Variants in LRP1B observed in about 807,000 individuals in gnomAD.
LRP1B encodes LDL receptor related protein 1B, also known as low-density lipoprotein receptor-related protein 1B.
In LRP1B, 217 loss-of-function variants were observed where a neutral mutation model predicts 556.6. The observed-to-expected ratio is 0.39, with a 90% CI of 0.35 to 0.44. The LOEUF (loss-of-function observed/expected upper bound fraction) is 0.44. Among genes scored for constraint, LRP1B ranks in the 20% least tolerant of loss-of-function variants. LRP1B has a pLI of 1.00. For synonymous variants in LRP1B, 2,047 were observed against 1,865.8 expected (o/e 1.10, Z -2.50); for missense variants, 5,053 against 5,620.8 (o/e 0.90, Z 3.23).
chr2:141,401,416 T>A (rs960017604), intron 3 of LRP1B, among the ~76,000 whole-genome samples: 1 of 152,140 alleles, frequency 6.6e-6, no homozygotes, highest in African/African-American at 2.4e-5. Flanking sequence ...CATCACTAAC[T>A]GCCTCTCTTT....
At chr2:141,715,196 G>A (rs1479073911) in intron 2 of LRP1B, among the ~76,000 whole-genome samples, 1 of 152,090 alleles carries the variant, frequency 6.6e-6, no homozygotes, top group Non-Finnish European at 1.5e-5. Flanking sequence ...TGCCGGGCGT[G>A]GTGACTCATA....
chr2:140,776,080 T>C lies in LRP1B; in HGVS notation c.5500+18A>G, dbSNP rs941773738. On this transcript the variant is annotated intron_variant, in intron 33 of 90. Transcript: ENST00000389484. ...TTACGTATTCAAGACCTGGCACAAA[T>C]TCATTAGTGTGATTTACCTTGCTGT... is the stretch of plus-strand genomic sequence containing the variant. 1 of 1,536,602 alleles carries C rather than the reference T, an allele frequency of 6.5e-7. No individual in the cohort carries two copies. Among genetic ancestry groups the C allele is most frequent in the Non-Finnish European group, 8.7e-7 (1 of 1,143,874 alleles).
intron 3 of LRP1B, among the ~76,000 whole-genome samples, chr2:141,278,773 G>T (rs1189766272): frequency 1.3e-5 from 2 of 152,126 alleles, no homozygotes; most frequent in Non-Finnish European, 2.9e-5. Context: ...TGCCTAAACT[G>T]GTCTTCTGTT....
At chr2:141,671,784 C>T (rs895961300) in intron 2 of LRP1B, among the ~76,000 whole-genome samples, 1 of 151,498 alleles carries the variant, frequency 6.6e-6, no homozygotes, top group African/African-American at 2.4e-5. Context: ...TAAATGAATG[C>T]TATCAGCAAA....
At chr2:141,747,695 C>T (rs577009958) in intron 2 of LRP1B, among the ~76,000 whole-genome samples, 1 of 152,132 alleles carries the variant, frequency 6.6e-6, no homozygotes, top group Non-Finnish European at 1.5e-5. Flanking sequence ...ATTACAAGAC[C>T]TTGATAACAT....
intron 3 of LRP1B, among the ~76,000 whole-genome samples, chr2:141,407,621 C>A (rs1399729439): frequency 6.6e-6 from 1 of 152,124 alleles, no homozygotes. Flanking sequence ...CCACCACTCT[C>A]TCTCACTTGC....
intron 79 of LRP1B, 72 bp downstream of exon 79, chr2:140,334,381 A>G: frequency 2.2e-6 from 2 of 925,840 alleles, no homozygotes; most frequent in Non-Finnish European, 3.5e-6. Context: ...TGCCAACAAC[A>G]CTAGAAATAA....
At chr2:141,482,985 TAA>T (rs200055822) in intron 2 of LRP1B, among the ~76,000 whole-genome samples, 3,128 of 152,214 alleles carry the variant, frequency 0.021, 96 homozygotes, top group East Asian at 0.13. Flanking sequence ...TATTATACTT[TAA>T]GTTTTAGGGT....
At chr2:140,644,051 A>C (rs1192036838) in intron 41 of LRP1B, among the ~76,000 whole-genome samples, 1 of 152,198 alleles carries the variant, frequency 6.6e-6, no homozygotes, top group Non-Finnish European at 1.5e-5. Context: ...TAACATTTGT[A>C]AACTCATTTT....
chr2:140,908,685 C>A (rs140665483), intron 21 of LRP1B, among the ~76,000 whole-genome samples: 1 of 151,720 alleles, frequency 6.6e-6, no homozygotes, highest in African/African-American at 2.4e-5. Flanking sequence ...CATGTATAGA[C>A]GGAATTTATA....
chr2:140,370,380 T>C (rs1223590110), intron 71 of LRP1B, among the ~76,000 whole-genome samples: 3 of 151,988 alleles, frequency 2.0e-5, no homozygotes, highest in South Asian at 2.1e-4. Flanking sequence ...ATTCAAGATA[T>C]ACTTTTGTAG....
At chr2:140,872,880 A>C (rs930819782) in intron 25 of LRP1B, among the ~76,000 whole-genome samples, 3 of 152,056 alleles carry the variant, frequency 2.0e-5, no homozygotes, top group Non-Finnish European at 4.4e-5. Flanking sequence ...TGAATCTATA[A>C]GATATATTTC....
intron 2 of LRP1B, among the ~76,000 whole-genome samples, chr2:141,795,540 T>C (rs1196328779): frequency 6.6e-6 from 1 of 151,972 alleles, no homozygotes; most frequent in Non-Finnish European, 1.5e-5. Context: ...GTGATTCCAT[T>C]GTTATTATTT....
chr2:142,114,127 G>C (rs115804467), intron 1 of LRP1B, among the ~76,000 whole-genome samples: 358 of 152,182 alleles, frequency 2.4e-3, no homozygotes, highest in African/African-American at 8.3e-3. Context: ...TCCCAGTTCT[G>C]ATCAAATCCT....
intron 2 of LRP1B, among the ~76,000 whole-genome samples, chr2:141,688,762 T>C (rs1691406599): frequency 1.3e-5 from 2 of 151,882 alleles, no homozygotes; most frequent in Non-Finnish European, 2.9e-5. Context: ...TCATTACGTC[T>C]ATGTATCAAA....
At chr2:141,343,637 T>A (rs888186132) in intron 3 of LRP1B, among the ~76,000 whole-genome samples, 1 of 152,194 alleles carries the variant, frequency 6.6e-6, no homozygotes, top group Non-Finnish European at 1.5e-5. Flanking sequence ...ACATTAATGA[T>A]GCAAAGCACT....
intron 76 of LRP1B, among the ~76,000 whole-genome samples, chr2:140,351,241 T>C (rs1045403305): frequency 2.0e-4 from 31 of 152,016 alleles, no homozygotes; most frequent in African/African-American, 7.0e-4. Flanking sequence ...TAATTATTGA[T>C]AGAGGTTTTT....
intron 18 of LRP1B, among the ~76,000 whole-genome samples, chr2:140,979,789 C>T (rs1696714141): frequency 1.3e-5 from 2 of 152,134 alleles, no homozygotes; most frequent in South Asian, 4.1e-4. Context: ...TAGTTGTAAG[C>T]ATGCCTGGAT....
chr2:141,632,219 T>A (rs1688940827), intron 2 of LRP1B, among the ~76,000 whole-genome samples: 1 of 152,152 alleles, frequency 6.6e-6, no homozygotes, highest in African/African-American at 2.4e-5. Flanking sequence ...TGTATACATT[T>A]TAAAATGCGT....
Sources: allele counts gnomAD v4.1 joint callset (sites outside exome capture counted in the v4.1 genomes callset), GRCh38; gene constraint gnomAD v4.1.1; transcripts MANE v1.5; gene names NCBI Gene and HGNC (gene_info 2026-07-23, HGNC 2026-07-21).